The following AGTPBP1 variants were observed in gnomAD, a reference collection of about 807,000 sequenced individuals.
AGTPBP1 encodes the protein ATP/GTP binding carboxypeptidase 1, also known as cytosolic carboxypeptidase 1.
A neutral mutation model predicts 143.9 loss-of-function variants in AGTPBP1; 70 were observed. The observed-to-expected ratio is 0.49, with a 90% CI of 0.40 to 0.59. The LOEUF is 0.59. Among genes scored for constraint, AGTPBP1 ranks in the 20% least tolerant of loss-of-function variants. The pLI is 0.00. For synonymous variants in AGTPBP1, 463 were observed against 500.2 expected, an observed-to-expected ratio of 0.93 and a Z score of 0.99; for missense variants, 1,229 against 1,464.5, an observed-to-expected ratio of 0.84 and a Z score of 2.62.
At chr9:85,574,627 T>C (rs1324019187) in intron 25 of AGTPBP1, among the ~76,000 whole-genome samples, 1 of 152,138 alleles carries the variant, frequency 6.6e-6, no homozygotes, top group Non-Finnish European at 1.5e-5. Flanking sequence ...CTGTTTCTGA[T>C]ATATATAACC....
intron 3 of AGTPBP1, 84 bp from the exon 4 acceptor site, chr9:85,681,419 C>A: frequency 9.0e-7 from 1 of 1,112,902 alleles, no homozygotes. Flanking sequence ...AATAAAGATT[C>A]AACAAGTCTC....
intron 17 of AGTPBP1, among the ~76,000 whole-genome samples, chr9:85,603,079 C>A (rs1829771441): frequency 6.6e-6 from 1 of 152,290 alleles, no homozygotes; most frequent in South Asian, 2.1e-4. Flanking sequence ...GAAAGGCAGT[C>A]TAGGTCACAA....
chr9:85,578,022 A>G (rs560329822), intron 24 of AGTPBP1, among the ~76,000 whole-genome samples: 1 of 152,340 alleles, frequency 6.6e-6, no homozygotes, highest in Non-Finnish European at 1.5e-5. Flanking sequence ...AAAAGAAACA[A>G]ACAAAATGGA....
intron 25 of AGTPBP1, among the ~76,000 whole-genome samples, chr9:85,561,926 G>A (rs1278122184): frequency 2.7e-5 from 4 of 149,948 alleles, no homozygotes; most frequent in Non-Finnish European, 3.0e-5. Context: ...TCCGCCTCCC[G>A]GGTTCAAGCA....
intron 15 of AGTPBP1, among the ~76,000 whole-genome samples, chr9:85,620,177 G>A (rs961862206): frequency 7.9e-5 from 12 of 152,188 alleles, no homozygotes; most frequent in African/African-American, 7.2e-5. Context: ...TTGAGAGGCC[G>A]AGGTGGTCAG....
At chr9:85,600,641 C>A (rs1242606507) in intron 17 of AGTPBP1, among the ~76,000 whole-genome samples, 3 of 152,076 alleles carry the variant, frequency 2.0e-5, no homozygotes. Context: ...TCCTCCAATC[C>A]TAGCCAGGGG....
intron 7 of AGTPBP1, among the ~76,000 whole-genome samples, chr9:85,671,317 C>T (rs187515176): frequency 1.6e-4 from 25 of 152,058 alleles, no homozygotes; most frequent in Admixed American, 1.6e-3. Context: ...GCATATTTTT[C>T]CTTTTACCTT....
At chr9:85,603,760 G>C (rs1829817768) in intron 17 of AGTPBP1, among the ~76,000 whole-genome samples, 1 of 152,182 alleles carries the variant, frequency 6.6e-6, no homozygotes, top group African/African-American at 2.4e-5. Flanking sequence ...CTGCTGCCCT[G>C]AAGGGAGAGA....
intron 23 of AGTPBP1, among the ~76,000 whole-genome samples, chr9:85,584,139 C>T (rs1253012798): frequency 1.3e-5 from 2 of 151,948 alleles, no homozygotes; most frequent in Admixed American, 6.6e-5. Flanking sequence ...ATTTTCTTAT[C>T]TTTTTTTTAT....
At chr9:85,713,659 C>T (rs986592481) in intron 1 of AGTPBP1, among the ~76,000 whole-genome samples, 1 of 152,170 alleles carries the variant, frequency 6.6e-6, no homozygotes, top group Admixed American at 6.5e-5. Flanking sequence ...TAACTTAATA[C>T]ATTTGGAAGA....
intron 14 of AGTPBP1, among the ~76,000 whole-genome samples, chr9:85,628,673 C>A (rs557988892): frequency 1.3e-5 from 2 of 152,242 alleles, no homozygotes; most frequent in South Asian, 4.1e-4. Flanking sequence ...TTTCTAGGAG[C>A]AAATACAGGT....
At chr9:85,665,214 T>G (rs1052176842) in intron 8 of AGTPBP1, among the ~76,000 whole-genome samples, 4 of 152,144 alleles carry the variant, frequency 2.6e-5, no homozygotes, top group Non-Finnish European at 5.9e-5. Flanking sequence ...TACAACAGAC[T>G]GGTGCTGTTA....
chr9:85,659,497 G>A lies in AGTPBP1; in HGVS notation c.700+1439C>T, dbSNP rs866544192. 4.6e-5 allele frequency among the ~76,000 whole-genome samples: 7 copies of A among 151,990 alleles called. No homozygotes were observed. In the Middle Eastern group the frequency reaches 0.014, roughly 295 times the overall value. ...AATATAAACTGAAGTCATTCTACTT[G>A]TCAGTTACTTTTTTTTATTTTGATG... is the stretch of plus-strand genomic sequence containing the variant. On this transcript the variant is annotated intron_variant, in intron 9 of 25. Coordinates refer to ENST00000357081, the MANE Select transcript of AGTPBP1 (RefSeq NM_001330701.2).
chr9:85,684,346 GAGC>G (rs1228935757), intron 3 of AGTPBP1, among the ~76,000 whole-genome samples: 2 of 152,158 alleles, frequency 1.3e-5, no homozygotes, highest in African/African-American at 2.4e-5. Flanking sequence ...TGGCAGAGAG[GAGC>G]AGGACAGTGG....
At chr9:85,577,157 T>C (rs181845494) in intron 24 of AGTPBP1, among the ~76,000 whole-genome samples, 100 of 152,294 alleles carry the variant, frequency 6.6e-4, no homozygotes, top group African/African-American at 2.3e-3. Flanking sequence ...AATCCAAATA[T>C]AGTGACAAAG....
Position 85,614,453 on chromosome 9 carries a change from TA to T in AGTPBP1, c.2335+4529del, listed in dbSNP as rs1830493855. Among the ~76,000 whole-genome samples the T allele has an allele frequency of 3.3e-5, 5 of 151,934 alleles. No homozygotes were observed. In the South Asian group the frequency reaches 1.0e-3, roughly 31 times the overall value. On this transcript the variant is annotated intron_variant, in intron 17 of 25. Transcript: ENST00000357081. ...AAAACAATAAGAAAACTAAAAAACA[TA>T]GGTGAAGGCATAAAAAAACTTGAAT... is the stretch of plus-strand genomic sequence containing the variant.
intron 12 of AGTPBP1, among the ~76,000 whole-genome samples, chr9:85,644,553 G>C (rs183232328): frequency 1.8e-4 from 27 of 151,952 alleles, no homozygotes; most frequent in Admixed American, 2.6e-4. Context: ...AGTAGTGAAG[G>C]ACTACTTACA....
At position 85,597,220 on chromosome 9, in the gene AGTPBP1, C is replaced by T. The variant is rs549425165; in HGVS notation, c.2336-771G>A. Among the ~76,000 whole-genome samples, 7 of 151,722 alleles carry T rather than the reference C, an allele frequency of 4.6e-5. No homozygotes were observed. The South Asian group carries it at 1.3e-3, about 27-fold the overall frequency. ...CCCTTTCCATTTCTGACTGGTTATT[C>T]CAACAATGAAGCACTATTCATTTAT... On this transcript the variant is annotated intron_variant, in intron 17 of 25. Transcript: ENST00000357081.
At chr9:85,803,379 A>G in the AGTPBP1 span, among the ~76,000 whole-genome samples, 1 of 152,174 alleles carries the variant, frequency 6.6e-6, no homozygotes, top group African/African-American at 2.4e-5. Context: ...ATGATTCTGC[A>G]TTACCCTATT....
Sources: gnomAD v4.1 joint callset for allele counts (sites outside exome capture counted in the v4.1 genomes callset) on GRCh38, gnomAD v4.1.1 for gene constraint, MANE v1.5 for transcripts, NCBI Gene and HGNC (gene_info 2026-07-23, HGNC 2026-07-21) for gene names.